Variants in CYRIB observed in about 807,000 individuals in gnomAD.
CYRIB encodes CYFIP-related Rac1 interactor B.
A neutral mutation model predicts 44.2 loss-of-function variants in CYRIB; 8 were observed. That is an observed-to-expected ratio of 0.18 (90% confidence interval 0.11 to 0.33). CYRIB has a LOEUF of 0.33. Among genes scored for constraint, CYRIB ranks in the 10% least tolerant of loss-of-function variants. CYRIB has a pLI of 1.00. For synonymous variants in CYRIB, 131 were observed against 127.2 expected (o/e 1.03, Z -0.20); for missense variants, 185 against 382.8 (o/e 0.48, Z 4.31).
chr8:129,868,383 G>A (rs1443616560), intron 4 of CYRIB, among the ~76,000 whole-genome samples: 1 of 152,064 alleles, frequency 6.6e-6, no homozygotes, highest in African/African-American at 2.4e-5. Context: ...ACTTATCAAT[G>A]TTTAACAATG....
chr8:129,975,468 A>G (rs2095877552), intron 1 of CYRIB, among the ~76,000 whole-genome samples: 1 of 152,258 alleles, frequency 6.6e-6, no homozygotes, highest in African/African-American at 2.4e-5. Context: ...CCTTTAGTAT[A>G]AAAGATTGTT....
intron 1 of CYRIB, among the ~76,000 whole-genome samples, chr8:130,009,519 C>T (rs1429151326): frequency 3.9e-5 from 6 of 152,148 alleles, no homozygotes; most frequent in South Asian, 2.1e-4. Flanking sequence ...CCACCCGCCT[C>T]GGCCTTCCAA....
intron 10 of CYRIB, 51 bp from the exon 13 acceptor site, chr8:129,846,925 C>A: frequency 9.4e-7 from 1 of 1,068,954 alleles, no homozygotes. Context: ...TTTCATGTAA[C>A]ATTCCTTTTC....
intron 1 of CYRIB, among the ~76,000 whole-genome samples, chr8:129,930,365 T>A (rs113980217): frequency 1.9e-3 from 98 of 50,370 alleles, no homozygotes; most frequent in Non-Finnish European, 2.4e-3. Context: ...TGTGAAGTGC[T>A]TATATATATA....
In CYRIB at chr8:129,930,365, T is replaced by TTTTATATATA. The variant is rs369665802; in HGVS notation, c.-50+9242_-50+9243insTATATATAAA. Among the ~76,000 whole-genome samples the TTTTATATATA allele has an allele frequency of 4.2e-4, 21 of 50,416 alleles. 1 individual carries two copies. Among genetic ancestry groups the TTTTATATATA allele is most frequent in the East Asian group, 1.0e-3 (2 of 1,946 alleles). The allele number at this position is 50,416 out of a possible 152,430, so 33.1% of individuals were successfully genotyped here. A position where few individuals can be genotyped will look rare whatever the true frequency, so the allele number is the denominator to read the frequency against. On this transcript the variant is annotated intron_variant, in intron 1 of 11. Transcript: ENST00000519824. ...TCAACTAGGAAGAATTGTGAAGTGC[T>TTTTATATATA]TATATATATATATATTTTAATTATT...
Position 129,848,818 on chromosome 8 carries a change from T to C in CYRIB, c.840+425A>G, listed in dbSNP as rs536334093. Among the ~76,000 whole-genome samples the C allele has an allele frequency of 2.4e-3, 370 of 152,114 alleles. 4 individuals carry two copies. Among genetic ancestry groups the C allele is most frequent in the African/African-American group, 8.5e-3 (354 of 41,508 alleles). On this transcript the variant is annotated intron_variant, in intron 10 of 11. Transcript: ENST00000519824. ...TACTCCTGGGCTCAAGTGATCCTCC[T>C]GCTTCAGCCTGCCAAAGTGCTTGGG...
chr8:129,859,102 A>G (rs2047834662), intron 5 of CYRIB, among the ~76,000 whole-genome samples: 1 of 152,162 alleles, frequency 6.6e-6, no homozygotes, highest in South Asian at 2.1e-4. Context: ...ATACAAGACG[A>G]AGGGGCAGGA....
At chr8:129,876,685 G>C (rs2059229736) in intron 3 of CYRIB, among the ~76,000 whole-genome samples, 1 of 152,104 alleles carries the variant, frequency 6.6e-6, no homozygotes, top group Non-Finnish European at 1.5e-5. Context: ...CAAATAGCGA[G>C]GTAATCTGCA....
At chr8:129,923,238 T>A (rs1744710385) in intron 1 of CYRIB, among the ~76,000 whole-genome samples, 1 of 41,430 alleles carries the variant, frequency 2.4e-5, no homozygotes, top group Non-Finnish European at 4.5e-5. Flanking sequence ...AGCAAAACTC[T>A]TAAAAAGAAA....
At chr8:129,841,919 G>T (rs2036513142) in exon 12 of CYRIB, 1 of 475,226 alleles carries the variant, frequency 2.1e-6, no homozygotes, top group Non-Finnish European at 3.8e-6. Flanking sequence ...AGCTGCCTTA[G>T]ATGGCCCGTT....
chr8:129,862,737 G>T (rs1367139459), intron 4 of CYRIB, among the ~76,000 whole-genome samples: 12 of 152,216 alleles, frequency 7.9e-5, no homozygotes. Context: ...CTCCCAAAGT[G>T]CTGGGATTAT....
intron 1 of CYRIB, among the ~76,000 whole-genome samples, chr8:129,977,743 A>T (rs957270696): frequency 6.6e-6 from 1 of 152,110 alleles, no homozygotes. Flanking sequence ...CGTGTTAGCC[A>T]GGATGGTCTC....
At chr8:129,914,660 TAAGTA>T (rs1452608593) in intron 1 of CYRIB, among the ~76,000 whole-genome samples, 3 of 152,234 alleles carry the variant, frequency 2.0e-5, no homozygotes, top group Non-Finnish European at 2.9e-5. Flanking sequence ...TACACTGTAC[TAAGTA>T]AATACTAGTT....
At chr8:129,988,723 G>A (rs779767997) in intron 1 of CYRIB, among the ~76,000 whole-genome samples, 6 of 152,120 alleles carry the variant, frequency 3.9e-5, no homozygotes, top group Admixed American at 1.3e-4. Context: ...CCCACACTGG[G>A]ACAGAAAGAG....
At chr8:129,929,043 T>C (rs568245448) in intron 1 of CYRIB, among the ~76,000 whole-genome samples, 1 of 152,174 alleles carries the variant, frequency 6.6e-6, no homozygotes, top group African/African-American at 2.4e-5. Context: ...CAAACACCCA[T>C]CAACTGGTAA....
intron 1 of CYRIB, chr8:130,008,257 T>A (rs570977867): frequency 6.5e-6 from 1 of 153,490 alleles, no homozygotes; most frequent in South Asian, 2.1e-4. Context: ...CATAGCTGCC[T>A]GCACACATAG....
chr8:129,863,640 TGAAAAACTAGTTTCAAATCTGAAAG>T (rs970072598), intron 4 of CYRIB, among the ~76,000 whole-genome samples: 1 of 152,202 alleles, frequency 6.6e-6, no homozygotes, highest in Non-Finnish European at 1.5e-5. Context: ...CTGAGTAAGA[TGAAAAACTAGTTTCAAATCTGAAAG>T]GGAAGAAAAT....
chr8:129,878,521 C>G (rs1156891545), intron 3 of CYRIB, among the ~76,000 whole-genome samples: 1 of 152,150 alleles, frequency 6.6e-6, no homozygotes, highest in Non-Finnish European at 1.5e-5. Flanking sequence ...TAAGGGATCA[C>G]ATGATTAAAA....
chr8:129,888,502 T>C (rs1231084972), intron 2 of CYRIB, among the ~76,000 whole-genome samples: 1 of 152,172 alleles, frequency 6.6e-6, no homozygotes, highest in Non-Finnish European at 1.5e-5. Context: ...CACATGCGCA[T>C]CTAACCACAA....
Sources: allele counts gnomAD v4.1 joint callset (sites outside exome capture counted in the v4.1 genomes callset), GRCh38; gene constraint gnomAD v4.1.1; transcripts MANE v1.5; gene names NCBI Gene and HGNC (gene_info 2026-07-23, HGNC 2026-07-21).